Variants in ROR2 observed in about 807,000 individuals in gnomAD.
ROR2 encodes ROR family WNT receptor 2.
In ROR2, 33 loss-of-function variants were observed where a neutral mutation model predicts 74.9. That is an observed-to-expected ratio of 0.44 (90% CI 0.33 to 0.59). The LOEUF is 0.59. ROR2 is among the 20% of genes least tolerant of loss of function. The pLI is 0.02. For synonymous variants in ROR2, 586 were observed against 558.7 expected (o/e 1.05, Z -0.69); for missense variants, 1,216 against 1,313.8 (o/e 0.93, Z 1.15).
intron 4 of ROR2, among the ~76,000 whole-genome samples, chr9:91,746,301 T>C (rs190082642): frequency 1.1e-4 from 16 of 152,284 alleles, no homozygotes; most frequent in African/African-American, 3.4e-4. Context: ...GGTTTCCATC[T>C]CCTGACTTCA....
At chr9:91,861,945 T>C (rs542211192) in intron 1 of ROR2, among the ~76,000 whole-genome samples, 10 of 152,138 alleles carry the variant, frequency 6.6e-5, no homozygotes, top group South Asian at 2.1e-4. Context: ...TGATGGCATT[T>C]GGAGATGGGG....
chr9:91,894,734 A>G (rs548026112), intron 1 of ROR2, among the ~76,000 whole-genome samples: 18 of 152,286 alleles, frequency 1.2e-4, no homozygotes, highest in African/African-American at 3.9e-4. Context: ...CAGTATGCTT[A>G]ATTATTTCTC....
At chr9:91,760,687 C>T (rs1030170399) in intron 2 of ROR2, among the ~76,000 whole-genome samples, 91 of 151,688 alleles carry the variant, frequency 6.0e-4, no homozygotes, top group African/African-American at 2.0e-3. Flanking sequence ...GGGCAATATT[C>T]TCAATTTCAT....
chr9:91,875,730 A>G (rs1343053803), intron 1 of ROR2, among the ~76,000 whole-genome samples: 1 of 152,228 alleles, frequency 6.6e-6, no homozygotes, highest in African/African-American at 2.4e-5. Flanking sequence ...AGAAATGTAC[A>G]GAAGAAAGCA....
chr9:91,805,351 A>G (rs1448423617), intron 1 of ROR2, among the ~76,000 whole-genome samples: 1 of 152,204 alleles, frequency 6.6e-6, no homozygotes, highest in African/African-American at 2.4e-5. Flanking sequence ...GCCCAGGTAC[A>G]CAGGTGAGGA....
At chr9:91,906,369 C>T (rs1830818579) in intron 1 of ROR2, among the ~76,000 whole-genome samples, 1 of 152,186 alleles carries the variant, frequency 6.6e-6, no homozygotes, top group African/African-American at 2.4e-5. Flanking sequence ...AAAGTCTGCG[C>T]ATTTGAGGAA....
intron 2 of ROR2, among the ~76,000 whole-genome samples, chr9:91,769,605 G>A (rs931232953): frequency 9.2e-5 from 14 of 152,002 alleles, no homozygotes; most frequent in Admixed American, 2.0e-4. Context: ...GGGACTCTAC[G>A]TTCCCTTCCT....
chr9:91,729,605 C>T (rs1837164053), intron 7 of ROR2, among the ~76,000 whole-genome samples: 1 of 152,204 alleles, frequency 6.6e-6, no homozygotes, highest in African/African-American at 2.4e-5. Flanking sequence ...GTGAGCCCAG[C>T]CTCGCTTCAC....
chr9:91,915,021 T>C (rs1311656606), intron 1 of ROR2, among the ~76,000 whole-genome samples: 1 of 152,164 alleles, frequency 6.6e-6, no homozygotes. Context: ...TCACTGCTTC[T>C]AGGATCAGGA....
chr9:91,768,724 G>A (rs1182328548), intron 2 of ROR2, among the ~76,000 whole-genome samples: 1 of 152,200 alleles, frequency 6.6e-6, no homozygotes, highest in African/African-American at 2.4e-5. Flanking sequence ...GGAAGCCGCT[G>A]TGGGTCTCCA....
rs1231630855 is a variant in ROR2, at chr9:91,724,798, C to A, written c.1696G>T (p.Val566Phe). The A allele has an allele frequency of 6.2e-7, 1 of 1,609,972 alleles. No homozygotes were observed. Residue 566 changes from valine (V) to phenylalanine (F), a missense_variant, in exon 9 of 9, where the codon GTC (valine) becomes TTC (phenylalanine). Transcript: ENST00000375708. ...CSHGDLHEFL[V>F]MRSPHSDVGS... ...ACGTCCGAGTGCGGCGAGCGCATGACCAGGAATTCGTGGAGGTCGCCGTGC... is the reference window on the plus strand; with the variant it reads ...ACGTCCGAGTGCGGCGAGCGCATGAACAGGAATTCGTGGAGGTCGCCGTGC...
chr9:91,919,102 T>C (rs1831208159), intron 1 of ROR2, among the ~76,000 whole-genome samples: 2 of 152,222 alleles, frequency 1.3e-5, no homozygotes, highest in Non-Finnish European at 2.9e-5. Context: ...GCTTCCCAGG[T>C]AGATTAGAAA....
chr9:91,930,846 T>C (rs1040361356), intron 1 of ROR2, among the ~76,000 whole-genome samples: 1 of 152,218 alleles, frequency 6.6e-6, no homozygotes, highest in Non-Finnish European at 1.5e-5. Context: ...AGACTTAATT[T>C]GCAGACTGAA....
Position 91,775,770 on chromosome 9 carries a change from C to T in ROR2, c.146G>A (p.Gly49Glu), listed in dbSNP as rs201991252. 6.2e-7 allele frequency: 1 copy of T among 1,614,044 alleles called. No homozygotes were observed. Among genetic ancestry groups the T allele is most frequent in the Non-Finnish European group, 8.5e-7 (1 of 1,180,034 alleles). ...DPNDPLGPLD[G>E]QDGPIPTLKG... ...CAGAGTTGGAATCGGGCCGTCCTGC[C>T]CATCAAGGGGTCCTAAAGGGTCGTT... Residue 49 changes from glycine (G) to glutamate (E), a missense_variant, in exon 2 of 9, where the codon GGG (glycine) becomes GAG (glutamate). Gly to Glu is a moderately conservative substitution (Grantham distance 98). Transcript: ENST00000375708.
chr9:91,741,109 G>A (rs953026907), intron 4 of ROR2, among the ~76,000 whole-genome samples: 4 of 152,142 alleles, frequency 2.6e-5, no homozygotes, highest in Non-Finnish European at 5.9e-5. Context: ...AGACCATCCT[G>A]GCCAACATGA....
intron 1 of ROR2, among the ~76,000 whole-genome samples, chr9:91,810,163 C>T (rs942866014): frequency 6.6e-6 from 1 of 152,174 alleles, no homozygotes; most frequent in Non-Finnish European, 1.5e-5. Context: ...CCACCATGCC[C>T]GAGGCTACGG....
chr9:91,923,398 C>G (rs1422044053), intron 1 of ROR2, among the ~76,000 whole-genome samples: 5 of 152,192 alleles, frequency 3.3e-5, no homozygotes, highest in African/African-American at 1.2e-4. Context: ...TAAATAGCCA[C>G]ATGTGATTAA....
At chr9:91,847,044 C>A (rs538448366) in intron 1 of ROR2, among the ~76,000 whole-genome samples, 4 of 152,216 alleles carry the variant, frequency 2.6e-5, no homozygotes, top group Admixed American at 2.6e-4. Flanking sequence ...CATGCAAAGG[C>A]TCACAGACAC....
intron 1 of ROR2, among the ~76,000 whole-genome samples, chr9:91,924,734 A>C (rs1831353380): frequency 6.6e-6 from 1 of 152,084 alleles, no homozygotes; most frequent in Non-Finnish European, 1.5e-5. Flanking sequence ...CGGAGCTTGC[A>C]GTGAGACAAG....
Sources: gnomAD v4.1 joint callset for allele counts (sites outside exome capture counted in the v4.1 genomes callset) on GRCh38, gnomAD v4.1.1 for gene constraint, MANE v1.5 for transcripts, NCBI Gene and HGNC (gene_info 2026-07-23, HGNC 2026-07-21) for gene names.